Variants in ANK2 observed in about 807,000 individuals in gnomAD.
The protein encoded by ANK2 is ankyrin 2.
In ANK2, 83 loss-of-function variants were observed where a neutral mutation model predicts 360.5. That is an observed-to-expected ratio of 0.23 (90% CI 0.19 to 0.28). The LOEUF is 0.28. Among genes scored for constraint, ANK2 ranks in the 10% least tolerant of loss-of-function variants. ANK2 has a pLI of 1.00. For missense variants in ANK2, 4,201 were observed against 4,795.7 expected (o/e 0.88, Z 3.66); for synonymous variants, 1,740 against 1,759.5 (o/e 0.99, Z 0.28).
At chr4:112,963,906 C>G (rs1051749243) in intron 2 of ANK2, among the ~76,000 whole-genome samples, 2 of 151,722 alleles carry the variant, frequency 1.3e-5, no homozygotes, top group Admixed American at 6.6e-5. Context: ...TTTATAGTTA[C>G]TGAGTCCTGT....
chr4:112,731,416 C>CT, the ANK2 span, among the ~76,000 whole-genome samples: 2 of 151,524 alleles, frequency 1.3e-5, no homozygotes, highest in African/African-American at 4.8e-5. Flanking sequence ...AATATGTACA[C>CT]TTTTTTCCAT....
chr4:112,877,273 T>C (rs1195350301), intron 1 of ANK2, among the ~76,000 whole-genome samples: 1 of 152,224 alleles, frequency 6.6e-6, no homozygotes, highest in East Asian at 1.9e-4. Context: ...ACAACCAGAA[T>C]GCCCACCACA....
chr4:112,969,329 A>C (rs866692785), intron 2 of ANK2, among the ~76,000 whole-genome samples: 11 of 152,294 alleles, frequency 7.2e-5, no homozygotes, highest in South Asian at 2.1e-4. Flanking sequence ...AGAGTCTGCC[A>C]TTTGCTGACT....
chr4:113,173,319 C>A (rs185910054), intron 1 of ANK2, among the ~76,000 whole-genome samples: 59 of 152,218 alleles, frequency 3.9e-4, no homozygotes, highest in African/African-American at 1.4e-3. Context: ...ATAGCTCTGA[C>A]CGAGTATGCC....
the ANK2 span, among the ~76,000 whole-genome samples, chr4:112,805,578 A>AT: frequency 2.4e-3 from 353 of 144,392 alleles, 1 homozygote; most frequent in Non-Finnish European, 3.4e-3. Flanking sequence ...AGGCATGCAG[A>AT]TTTTTTTTTT....
chr4:112,942,867 T>C (rs964764741), intron 2 of ANK2, among the ~76,000 whole-genome samples: 6 of 152,066 alleles, frequency 3.9e-5, no homozygotes, highest in African/African-American at 1.4e-4. Context: ...TATAAATTAG[T>C]CCTAACAATA....
intron 1 of ANK2, among the ~76,000 whole-genome samples, chr4:112,893,863 G>A (rs966373977): frequency 6.6e-6 from 1 of 152,112 alleles, no homozygotes; most frequent in African/African-American, 2.4e-5. Context: ...CCAGCATGGC[G>A]GCATGCACCT....
chr4:112,798,780 T>C, the ANK2 span: 1 of 152,266 alleles, frequency 6.6e-6, no homozygotes, highest in Non-Finnish European at 1.5e-5. Context: ...CTCAGGTTGG[T>C]ACCATTGTCT....
the ANK2 span, among the ~76,000 whole-genome samples, chr4:112,735,955 ATT>A: frequency 4.6e-5 from 7 of 152,020 alleles, no homozygotes; most frequent in Non-Finnish European, 8.8e-5. Context: ...TGATTGGTTT[ATT>A]TTATATAGCC....
At chr4:112,786,384 A>T in the ANK2 span, among the ~76,000 whole-genome samples, 1 of 150,736 alleles carries the variant, frequency 6.6e-6, no homozygotes, top group African/African-American at 2.4e-5. Context: ...ATATCAACTA[A>T]CCACCAGAAT....
Position 113,034,227 on chromosome 4 carries a change from C to G in ANK2, c.21+129713C>G, listed in dbSNP as rs988920199. On this transcript the variant is annotated intron_variant, in intron 2 of 30. Coordinates refer to the ANK2 transcript ENST00000503271. ...AAATCAAGATAAGTTTTTACTGGAT[C>G]ACGAGTGTTCCTTAGATTGGCAAAA... 2.6e-5 allele frequency among the ~76,000 whole-genome samples: 4 copies of G among 151,946 alleles called. 1 individual carries two copies. The South Asian group carries it at 8.3e-4, about 31-fold the overall frequency.
At chr4:113,370,177 C>T (rs1589268840) in intron 43 of ANK2, among the ~76,000 whole-genome samples, 1 of 152,292 alleles carries the variant, frequency 6.6e-6, no homozygotes, top group South Asian at 2.1e-4. Flanking sequence ...ATGGGATGTG[C>T]TGGGACCAGC....
rs950761799 is a variant in ANK2, at chr4:113,353,088, C to T, written c.4470C>T (p.His1490=). The change falls in exon 38 of 46, where the codon CAC becomes CAT. Residue 1490 remains histidine (H), a synonymous_variant. Coordinates refer to ENST00000357077, the MANE Select transcript of ANK2 (RefSeq NM_001148.6). ...ESTETSVLKS[H]LVNEVPVLAS... ...CAGAAACATCTGTCCTGAAAAGTCACCTGGTTAATGAAGTTCCTGTCCTAG... is the reference window on the plus strand; with the variant it reads ...CAGAAACATCTGTCCTGAAAAGTCATCTGGTTAATGAAGTTCCTGTCCTAG... The T allele has an allele frequency of 2.9e-5, 47 of 1,613,752 alleles. No homozygotes were observed. The highest frequency in any genetic ancestry group is 3.8e-5 in the Non-Finnish European group (45 of 1,179,846).
chr4:113,229,389 C>A (rs958823901), intron 4 of ANK2, among the ~76,000 whole-genome samples: 1 of 152,192 alleles, frequency 6.6e-6, no homozygotes. Flanking sequence ...TGCCTTCTGT[C>A]TTGCTCTTGT....
intron 26 of ANK2, among the ~76,000 whole-genome samples, chr4:113,322,403 A>C (rs1324915044): frequency 6.6e-6 from 1 of 152,376 alleles, no homozygotes; most frequent in African/African-American, 2.4e-5. Context: ...TCTAATCAAC[A>C]GTTATTTCTA....
intron 4 of ANK2, among the ~76,000 whole-genome samples, chr4:113,201,623 G>GT (rs1160358359): frequency 6.6e-6 from 1 of 152,152 alleles, no homozygotes; most frequent in Non-Finnish European, 1.5e-5. Context: ...GTTAAAATCT[G>GT]TGAAAAGACC....
chr4:113,382,552 G>A lies in ANK2; in HGVS notation c.*1081G>A, dbSNP rs1010448483. On this transcript the variant is annotated 3_prime_UTR_variant, in exon 46 of 46. Transcript: ENST00000357077. ...GGTACTTTCTTCTGGCCACTGCACT[G>A]TAGATAATTCATTGGAAACAAGATT... The A allele has an allele frequency of 6.6e-6, 1 of 152,520 alleles. No individual in the cohort carries two copies. The highest frequency in any genetic ancestry group is 1.5e-5 in the Non-Finnish European group (1 of 68,022). 9.4% of individuals were successfully genotyped at this position (152,520 alleles called of 1,614,324 possible). A position where few individuals can be genotyped will look rare whatever the true frequency, so the allele number is the denominator to read the frequency against.
At chr4:112,738,692 T>C in the ANK2 span, 3 of 597,560 alleles carry the variant, frequency 5.0e-6, no homozygotes, top group African/African-American at 5.6e-5. Context: ...TCAGACCCGT[T>C]GTGAAGCCCA....
chr4:112,961,939 G>A (rs1451017501), intron 2 of ANK2, among the ~76,000 whole-genome samples: 1 of 152,070 alleles, frequency 6.6e-6, no homozygotes, highest in Non-Finnish European at 1.5e-5. Flanking sequence ...GTTTGGGATG[G>A]GGCCTGGGCC....
Sources: gnomAD v4.1 joint callset for allele counts (sites outside exome capture counted in the v4.1 genomes callset) on GRCh38, gnomAD v4.1.1 for gene constraint, MANE v1.5 for transcripts, NCBI Gene and HGNC (gene_info 2026-07-23, HGNC 2026-07-21) for gene names.